The following FAM107B variants were observed in gnomAD, a reference collection of about 807,000 sequenced individuals.
FAM107B encodes protein FAM107B.
Under a neutral mutation model 31.5 loss-of-function variants are expected in FAM107B, and 21 were observed. That is an observed-to-expected ratio of 0.67 (90% CI 0.47 to 0.96). The LOEUF is 0.96. FAM107B is among the 40% of genes least tolerant of loss of function. FAM107B has a pLI of 0.00. For synonymous variants in FAM107B, 157 were observed against 141.5 expected (o/e 1.11, Z -0.78); for missense variants, 452 against 377.1 (o/e 1.20, Z -1.64).
chr10:14,570,228 TGGTG>T (rs961016496), intron 2 of FAM107B, among the ~76,000 whole-genome samples: 27 of 117,628 alleles, frequency 2.3e-4, no homozygotes, highest in African/African-American at 8.3e-4. Flanking sequence ...CAAAAAAATG[TGGTG>T]GGTGTGTGTG....
At chr10:14,743,990 G>GA (rs1039606400) in intron 1 of FAM107B, among the ~76,000 whole-genome samples, 1 of 152,168 alleles carries the variant, frequency 6.6e-6, no homozygotes, top group Non-Finnish European at 1.5e-5. Flanking sequence ...CATGAATATG[G>GA]AATGTTTTTC....
intron 2 of FAM107B, among the ~76,000 whole-genome samples, chr10:14,625,600 G>A (rs533133726): frequency 1.3e-5 from 2 of 152,202 alleles, no homozygotes; most frequent in African/African-American, 2.4e-5. Flanking sequence ...CATTAATGTC[G>A]CGTGCAAGAG....
chr10:14,731,257 C>T (rs896174179), intron 1 of FAM107B, among the ~76,000 whole-genome samples: 107 of 152,150 alleles, frequency 7.0e-4, no homozygotes, highest in African/African-American at 2.3e-3. Flanking sequence ...AGTGAGGGCG[C>T]GGGATTAAAT....
intron 1 of FAM107B, among the ~76,000 whole-genome samples, chr10:14,751,843 C>G (rs1218748161): frequency 6.6e-6 from 1 of 152,008 alleles, no homozygotes; most frequent in Non-Finnish European, 1.5e-5. Context: ...GAGACTGAAG[C>G]CCAGGCCTGG....
chr10:14,715,995 A>G (rs1288485137), intron 1 of FAM107B, among the ~76,000 whole-genome samples: 1 of 152,228 alleles, frequency 6.6e-6, no homozygotes, highest in Non-Finnish European at 1.5e-5. Context: ...ATCTACATTT[A>G]TATAGACATA....
intron 1 of FAM107B, among the ~76,000 whole-genome samples, chr10:14,691,682 T>C (rs748864415): frequency 1.3e-5 from 2 of 151,958 alleles, no homozygotes; most frequent in Non-Finnish European, 2.9e-5. Flanking sequence ...TCACTTGAGG[T>C]CAGAAGTTTG....
chr10:14,723,642 G>A (rs1855964313), intron 1 of FAM107B: 2 of 725,534 alleles, frequency 2.8e-6, no homozygotes, highest in Non-Finnish European at 5.1e-6. Flanking sequence ...GGTTAACATA[G>A]GATTACTCTG....
chr10:14,518,572 ATG>A lies in FAM107B; in HGVS notation c.*2616_*2617del, dbSNP rs1231795223. The stretch of plus-strand genomic sequence containing the variant: ...ACAAACATGGTTGCATGGTCCAAGC[ATG>A]TGGTGATTTTTATTAAGAATAACTT... On this transcript the variant is annotated 3_prime_UTR_variant, in exon 5 of 5. Transcript: ENST00000181796. 6.5e-6 allele frequency: 1 copy of A among 152,694 alleles called. No individual in the cohort carries two copies. The highest frequency in any genetic ancestry group is 1.5e-5 in the Non-Finnish European group (1 of 68,048). The allele number at this position is 152,694 out of a possible 1,614,324, so 9.5% of individuals were successfully genotyped here.
At chr10:14,590,351 G>A (rs961963433) in intron 2 of FAM107B, among the ~76,000 whole-genome samples, 9 of 152,226 alleles carry the variant, frequency 5.9e-5, no homozygotes, top group Admixed American at 2.6e-4. Flanking sequence ...GAATGAGACT[G>A]TGACTATGGG....
chr10:14,679,715 TG>T (rs1854782405), intron 1 of FAM107B, among the ~76,000 whole-genome samples: 1 of 152,004 alleles, frequency 6.6e-6, no homozygotes, highest in Non-Finnish European at 1.5e-5. Context: ...TGTCCCGGGG[TG>T]TGTCTGTGAG....
intron 2 of FAM107B, among the ~76,000 whole-genome samples, chr10:14,579,205 T>A (rs1851557643): frequency 6.6e-6 from 1 of 152,218 alleles, no homozygotes; most frequent in South Asian, 2.1e-4. Flanking sequence ...TTAATTTTTT[T>A]AAATGTAAGC....
intron 1 of FAM107B, among the ~76,000 whole-genome samples, chr10:14,690,483 T>C (rs1423276571): frequency 1.3e-5 from 2 of 151,984 alleles, no homozygotes; most frequent in Non-Finnish European, 2.9e-5. Context: ...AGATGGAGTC[T>C]CGCTCTGTCG....
chr10:14,676,994 A>T (rs1430220740), intron 1 of FAM107B, among the ~76,000 whole-genome samples: 1 of 152,080 alleles, frequency 6.6e-6, no homozygotes, highest in Non-Finnish European at 1.5e-5. Context: ...CAACTCTAAC[A>T]GCTCTCCTTT....
At chr10:14,675,484 G>C (rs1854660417) in intron 1 of FAM107B, among the ~76,000 whole-genome samples, 1 of 152,046 alleles carries the variant, frequency 6.6e-6, no homozygotes, top group African/African-American at 2.4e-5. Flanking sequence ...TCCAAGGCCT[G>C]GTTCCATTTG....
chr10:14,715,845 C>T (rs562092689), intron 1 of FAM107B, among the ~76,000 whole-genome samples: 1 of 152,314 alleles, frequency 6.6e-6, no homozygotes, highest in South Asian at 2.1e-4. Flanking sequence ...ACACCATTGG[C>T]TTCCATGATT....
At chr10:14,604,964 C>A (rs1852551566) in intron 2 of FAM107B, among the ~76,000 whole-genome samples, 1 of 152,130 alleles carries the variant, frequency 6.6e-6, no homozygotes. Flanking sequence ...GTCTCACACA[C>A]AAAGTACCCA....
chr10:14,698,221 T>C (rs1201430886), intron 1 of FAM107B, among the ~76,000 whole-genome samples: 1 of 152,234 alleles, frequency 6.6e-6, no homozygotes, highest in East Asian at 1.9e-4. Context: ...CATGCAGTAG[T>C]ACTCCTAAGC....
At chr10:14,574,014 A>G (rs1851386400) in intron 2 of FAM107B, among the ~76,000 whole-genome samples, 1 of 152,068 alleles carries the variant, frequency 6.6e-6, no homozygotes, top group Non-Finnish European at 1.5e-5. Flanking sequence ...TGCTCTCAAC[A>G]TGAAATGCCA....
intron 2 of FAM107B, among the ~76,000 whole-genome samples, chr10:14,626,547 A>G (rs1438999562): frequency 8.0e-6 from 1 of 125,072 alleles, no homozygotes; most frequent in Admixed American, 1.0e-4. Context: ...TCTGTCGCCC[A>G]GGCTGGAGTG....
Sources: allele counts gnomAD v4.1 joint callset (sites outside exome capture counted in the v4.1 genomes callset), GRCh38; gene constraint gnomAD v4.1.1; transcripts MANE v1.5; gene names NCBI Gene and HGNC (gene_info 2026-07-23, HGNC 2026-07-21).